DCC: variants seen among roughly 807,000 people sequenced by gnomAD.
DCC encodes the protein DCC netrin 1 receptor.
Under a neutral mutation model 172.5 loss-of-function variants are expected in DCC, and 58 were observed. The observed-to-expected ratio is 0.34, with a 90% CI of 0.27 to 0.42. The LOEUF (loss-of-function observed/expected upper bound fraction) is 0.42, where lower values mean the gene tolerates loss of function less well. Among genes scored for constraint, DCC ranks in the 10% least tolerant of loss-of-function variants. DCC has a pLI of 1.00. For missense variants in DCC, 1,740 were observed against 1,791.0 expected (o/e 0.97, Z 0.51); for synonymous variants, 709 against 644.5 (o/e 1.10, Z -1.52).
At chr18:52,587,557 A>AGACTTTTGGGTGGTGCCTGTGT in intron 1 of DCC, among the ~76,000 whole-genome samples, 2 of 152,146 alleles carry the variant, frequency 1.3e-5, no homozygotes, top group East Asian at 3.8e-4. Flanking sequence ...GTTTCTTCCA[A>AGACTTTTGGGTGGTGCCTGTGT]GTCCCTGACT....
Position 53,322,130 on chromosome 18 carries a change from G to T in DCC, c.2137G>T (p.Ala713Ser). ...TGGACCACCTTCCAACTGGTATACT[G>T]CAGAGACTCCAGAGAATGATCTAGA... is the stretch of plus-strand genomic sequence containing the variant. The part of the protein sequence containing the change: ...GTGPPSNWYT[A>S]ETPENDLDES... The change falls in exon 14 of 29, where the codon GCA becomes TCA. Residue 713 changes from alanine to serine, a missense_variant. Coordinates refer to ENST00000442544, the MANE Select transcript of DCC (RefSeq NM_005215.4). 1 of 1,580,066 alleles carries T rather than the reference G, an allele frequency of 6.3e-7. No individual in the cohort carries two copies. The highest frequency in any genetic ancestry group is 1.1e-5 in the South Asian group (1 of 90,406).
intron 9 of DCC, among the ~76,000 whole-genome samples, chr18:53,202,834 G>A (rs756156175): frequency 3.3e-5 from 5 of 152,138 alleles, no homozygotes; most frequent in African/African-American, 1.2e-4. Context: ...ATGAGACAGA[G>A]ACACATTCAA....
chr18:52,477,459 TG>T (rs1236903457), intron 1 of DCC, among the ~76,000 whole-genome samples: 1 of 152,180 alleles, frequency 6.6e-6, no homozygotes, highest in Non-Finnish European at 1.5e-5. Flanking sequence ...GGAATCAAAA[TG>T]AAGTCACTTG....
At chr18:52,883,370 G>A (rs1459718457) in intron 2 of DCC, among the ~76,000 whole-genome samples, 3 of 123,272 alleles carry the variant, frequency 2.4e-5, no homozygotes, top group African/African-American at 8.0e-5. Context: ...GTGTGTGTGT[G>A]TGTGTGTGTG....
chr18:53,131,114 C>T lies in DCC; in HGVS notation c.1262-26242C>T, dbSNP rs553789435. Among the ~76,000 whole-genome samples, 28 of 152,082 alleles carry T rather than the reference C, an allele frequency of 1.8e-4. 1 individual carries two copies. Among genetic ancestry groups the T allele is most frequent in the Middle Eastern group, 3.4e-3 (1 of 292 alleles). On this transcript the variant is annotated intron_variant, in intron 7 of 28. Transcript: ENST00000442544. ...TCAGAACCTCAGAATAGGGATGGCA[C>T]CCAGACTCTCTTCATCATGAGGGTT...
intron 12 of DCC, among the ~76,000 whole-genome samples, chr18:53,285,087 A>T (rs1276429503): frequency 6.6e-6 from 1 of 152,136 alleles, no homozygotes; most frequent in Non-Finnish European, 1.5e-5. Flanking sequence ...AGTCTGGAAA[A>T]TTTGCAGCCT....
intron 9 of DCC, among the ~76,000 whole-genome samples, chr18:53,184,411 A>G (rs1226609397): frequency 6.6e-6 from 1 of 152,102 alleles, no homozygotes; most frequent in African/African-American, 2.4e-5. Flanking sequence ...AGAACATAAT[A>G]GTGTCTTACA....
At chr18:52,644,574 G>A (rs1025583143) in intron 1 of DCC, among the ~76,000 whole-genome samples, 14 of 59,056 alleles carry the variant, frequency 2.4e-4, no homozygotes, top group South Asian at 8.3e-4. Context: ...GTCAGACTCC[G>A]TCTCAAAAAA....
At chr18:53,487,219 A>G (rs1474177102) in intron 26 of DCC, among the ~76,000 whole-genome samples, 1 of 152,200 alleles carries the variant, frequency 6.6e-6, no homozygotes, top group Admixed American at 6.5e-5. Flanking sequence ...TGGTTCCATC[A>G]AACAATGATG....
chr18:52,497,280 A>AAAAAAATATAT (rs1555689730), intron 1 of DCC, among the ~76,000 whole-genome samples: 1 of 21,574 alleles, frequency 4.6e-5, no homozygotes, highest in Non-Finnish European at 1.1e-4. Flanking sequence ...AAAAAAAAAA[A>AAAAAAATATAT]ATATATATAT....
intron 14 of DCC, among the ~76,000 whole-genome samples, chr18:53,336,194 A>C (rs1032638502): frequency 8.5e-5 from 13 of 152,146 alleles, no homozygotes; most frequent in African/African-American, 2.9e-4. Flanking sequence ...TACTTGTAAA[A>C]TGTTTCATGT....
chr18:53,290,946 A>G (rs542363417), intron 12 of DCC, among the ~76,000 whole-genome samples: 1 of 152,152 alleles, frequency 6.6e-6, no homozygotes, highest in Non-Finnish European at 1.5e-5. Flanking sequence ...AGGCTAGCGG[A>G]TCACGAGGTC....
chr18:52,911,891 T>C (rs904050382), intron 3 of DCC, among the ~76,000 whole-genome samples: 5 of 151,964 alleles, frequency 3.3e-5, no homozygotes, highest in Admixed American at 6.6e-5. Flanking sequence ...CTCTCATATA[T>C]ACTGGAAAAA....
intron 5 of DCC, among the ~76,000 whole-genome samples, chr18:52,974,289 G>A (rs2145592066): frequency 6.6e-6 from 1 of 152,244 alleles, no homozygotes; most frequent in African/African-American, 2.4e-5. Flanking sequence ...CAAGATGCCT[G>A]GGTCTTTTAT....
intron 11 of DCC, among the ~76,000 whole-genome samples, chr18:53,214,564 C>A (rs2055815443): frequency 6.6e-6 from 1 of 151,990 alleles, no homozygotes; most frequent in Non-Finnish European, 1.5e-5. Context: ...TCAAAAATGG[C>A]CCTTAGATTC....
chr18:52,533,544 A>T (rs533086211), intron 1 of DCC, among the ~76,000 whole-genome samples: 1 of 152,160 alleles, frequency 6.6e-6, no homozygotes, highest in African/African-American at 2.4e-5. Context: ...TTTCCCAGAG[A>T]CCATCCAGGT....
chr18:53,154,800 G>C (rs1012162118), intron 7 of DCC, among the ~76,000 whole-genome samples: 3 of 152,160 alleles, frequency 2.0e-5, no homozygotes, highest in African/African-American at 7.2e-5. Flanking sequence ...GGAGAAGCAG[G>C]CTGAGGGGGA....
intron 25 of DCC, among the ~76,000 whole-genome samples, chr18:53,472,483 T>A (rs1374178852): frequency 6.6e-6 from 1 of 152,202 alleles, no homozygotes; most frequent in Admixed American, 6.6e-5. Context: ...AATAACTAAG[T>A]TCTATCTGTG....
intron 1 of DCC, among the ~76,000 whole-genome samples, chr18:52,600,688 T>A (rs2033998760): frequency 6.6e-6 from 1 of 151,172 alleles, no homozygotes; most frequent in Admixed American, 6.6e-5. Context: ...AATAAAGCTT[T>A]GTAATTTTCT....
Sources: gnomAD v4.1 joint callset for allele counts (sites outside exome capture counted in the v4.1 genomes callset) on GRCh38, gnomAD v4.1.1 for gene constraint, MANE v1.5 for transcripts, NCBI Gene and HGNC (gene_info 2026-07-23, HGNC 2026-07-21) for gene names.